ACSBG1: variants seen among roughly 807,000 people sequenced by gnomAD.
ACSBG1 encodes acyl-CoA synthetase bubblegum family member 1, also known as long-chain-fatty-acid--CoA ligase ACSBG1.
A neutral mutation model predicts 80.2 loss-of-function variants in ACSBG1; 39 were observed. The observed-to-expected ratio is 0.49, with a 90% confidence interval of 0.38 to 0.64. The LOEUF (loss-of-function observed/expected upper bound fraction) is 0.64, where lower values mean the gene tolerates loss of function less well. Among genes scored for constraint, ACSBG1 ranks in the 30% least tolerant of loss-of-function variants. The probability of loss-of-function intolerance (pLI) is 0.00; values close to 1 mark genes in which losing one functional copy is unlikely to be tolerated. For missense variants in ACSBG1, 828 were observed against 966.4 expected, an observed-to-expected ratio of 0.86 and a Z score of 1.90; for synonymous variants, 392 against 379.5, an observed-to-expected ratio of 1.03 and a Z score of -0.38.
intron 2 of ACSBG1, among the ~76,000 whole-genome samples, chr15:78,196,957 GGGAGGCTGAGGT>G (rs1326785853): frequency 1.3e-5 from 2 of 151,988 alleles, no homozygotes; most frequent in African/African-American, 4.8e-5. Context: ...CCAGCTACTT[GGGAGGCTGAGGT>G]GGGAGGATTG....
At chr15:78,190,484 T>G in intron 5 of ACSBG1, among the ~76,000 whole-genome samples, 1 of 145,126 alleles carries the variant, frequency 6.9e-6, no homozygotes, top group Non-Finnish European at 1.5e-5. Context: ...GGTGGGAGGA[T>G]TGCTTGAGCC....
At chr15:78,219,559 A>G (rs899584936) in intron 1 of ACSBG1, among the ~76,000 whole-genome samples, 6 of 152,242 alleles carry the variant, frequency 3.9e-5, no homozygotes, top group South Asian at 2.1e-4. Flanking sequence ...ATATCTCATG[A>G]TCGAGAGACT....
At chr15:78,190,661 G>A (rs1238423190) in intron 5 of ACSBG1, among the ~76,000 whole-genome samples, 1 of 151,986 alleles carries the variant, frequency 6.6e-6, no homozygotes, top group African/African-American at 2.4e-5. Flanking sequence ...CTCTATAGAA[G>A]TAAAATGGAT....
Position 78,215,724 on chromosome 15 carries a change from G to GAGAAAGAAAGAAAGAA in ACSBG1, c.132-7638_132-7623dup, listed in dbSNP as rs56078523. Among the ~76,000 whole-genome samples, 518 of 116,630 alleles carry GAGAAAGAAAGAAAGAA rather than the reference G, an allele frequency of 4.4e-3. 5 individuals are homozygous for GAGAAAGAAAGAAAGAA. Among genetic ancestry groups the GAGAAAGAAAGAAAGAA allele is most frequent in the Middle Eastern group, 0.013 (3 of 236 alleles). 76.5% of individuals were successfully genotyped at this position (116,630 alleles called of 152,430 possible). A position where few individuals can be genotyped will look rare whatever the true frequency, so the allele number is the denominator to read the frequency against. On this transcript the variant is annotated intron_variant, in intron 1 of 13. Coordinates refer to ENST00000258873, the MANE Select transcript of ACSBG1 (RefSeq NM_015162.5). ...AGAAGGAAAGAGAGAAAGAAAGAAA[G>GAGAAAGAAAGAAAGAA]AGAAAGAAAGAAAGAAAGAAAGAAA...
intron 1 of ACSBG1, among the ~76,000 whole-genome samples, chr15:78,208,528 T>C (rs1161643688): frequency 1.5e-4 from 23 of 152,128 alleles, no homozygotes; most frequent in Admixed American, 1.5e-3. Flanking sequence ...CATCTGTCAC[T>C]CCCTGTACCC....
rs536292260 is a variant in ACSBG1, at chr15:78,189,713, C to A, written c.663+3793G>T. On this transcript the variant is annotated intron_variant, in intron 5 of 13. Transcript: ENST00000258873. Reference sequence around the variant, plus strand: ...GGGAGGGATAGCTTTAGGAGATAGACCTAATGCTAAATGACGAGTTAATGG... The same window carrying A: ...GGGAGGGATAGCTTTAGGAGATAGAACTAATGCTAAATGACGAGTTAATGG... 5.3e-5 allele frequency among the ~76,000 whole-genome samples: 8 copies of A among 151,902 alleles called. No individual in the cohort carries two copies. The South Asian group carries it at 1.5e-3, about 28-fold the overall frequency.
intron 2 of ACSBG1, among the ~76,000 whole-genome samples, chr15:78,206,575 C>T (rs988410262): frequency 1.3e-5 from 2 of 152,190 alleles, no homozygotes; most frequent in Admixed American, 6.5e-5. Flanking sequence ...TTGTCACCTC[C>T]CTTACAGTTG....
intron 5 of ACSBG1, among the ~76,000 whole-genome samples, chr15:78,188,210 T>C (rs1185965188): frequency 6.6e-6 from 1 of 151,986 alleles, no homozygotes; most frequent in African/African-American, 2.4e-5. Flanking sequence ...TCCATGCTCA[T>C]GGGTAGGAAG....
chr15:78,196,073 C>G (rs572387162), intron 2 of ACSBG1, among the ~76,000 whole-genome samples: 1 of 152,296 alleles, frequency 6.6e-6, no homozygotes, highest in South Asian at 2.1e-4. Context: ...ACATGGCAGC[C>G]TGCAGGAAAT....
intron 1 of ACSBG1, among the ~76,000 whole-genome samples, chr15:78,217,645 C>T (rs1352307675): frequency 6.6e-6 from 1 of 151,538 alleles, no homozygotes; most frequent in African/African-American, 2.4e-5. Flanking sequence ...CGGCTCACTG[C>T]AACCACTGCC....
intron 1 of ACSBG1, 42 bp from the exon 2 acceptor site, chr15:78,208,144 T>A: frequency 6.5e-7 from 1 of 1,531,562 alleles, no homozygotes. Context: ...CATTAGAACG[T>A]GGGGGACCGG....
chr15:78,174,307 T>C, intron 12 of ACSBG1, 78 bp downstream of exon 12: 1 of 1,593,384 alleles, frequency 6.3e-7, no homozygotes, highest in Non-Finnish European at 8.6e-7. Context: ...TGCCCTGTGC[T>C]GAATGTGGCT....
At chr15:78,205,473 C>T (rs944432414) in intron 2 of ACSBG1, among the ~76,000 whole-genome samples, 3 of 152,132 alleles carry the variant, frequency 2.0e-5, no homozygotes, top group Admixed American at 6.5e-5. Context: ...GGGGGCCAGA[C>T]CTGGAAGACC....
At chr15:78,183,587 C>T (rs1300458956) in intron 5 of ACSBG1, among the ~76,000 whole-genome samples, 1 of 152,096 alleles carries the variant, frequency 6.6e-6, no homozygotes, top group Non-Finnish European at 1.5e-5. Flanking sequence ...CAAAAAGAAA[C>T]TCGAAGGTTA....
intron 2 of ACSBG1, among the ~76,000 whole-genome samples, chr15:78,196,090 G>A (rs1014324455): frequency 2.6e-5 from 4 of 152,186 alleles, no homozygotes; most frequent in South Asian, 2.1e-4. Context: ...AAATGCAGGC[G>A]GGACAGGGGA....
At chr15:78,231,593 T>A (rs1382131068) in intron 1 of ACSBG1, among the ~76,000 whole-genome samples, 3 of 152,086 alleles carry the variant, frequency 2.0e-5, no homozygotes, top group African/African-American at 7.2e-5. Context: ...GCCTATTTTT[T>A]ATTTTTATTA....
At position 78,171,408 on chromosome 15, in the gene ACSBG1, C is replaced by T. The variant is rs778150048; in HGVS notation, c.*36G>A. ...TCAGGAAGAGGCTCGGAACGCCTGC[C>T]CTCTATTCTATAGAAACTGCAGGCA... is the stretch of plus-strand genomic sequence containing the variant. On this transcript the variant is annotated 3_prime_UTR_variant, in exon 14 of 14. Coordinates refer to ENST00000258873, the MANE Select transcript of ACSBG1 (RefSeq NM_015162.5). The T allele has an allele frequency of 1.3e-5, 20 of 1,571,578 alleles. No homozygotes were observed. The South Asian group carries it at 2.2e-4, about 17-fold the overall frequency.
In ACSBG1 at chr15:78,171,459, T is replaced by G. The variant is rs545427158; in HGVS notation, c.2160A>C (p.Gln720His). 38 of 1,614,112 alleles carry G rather than the reference T, an allele frequency of 2.4e-5. No homozygotes were observed. The South Asian group carries it at 3.7e-4, about 16-fold the overall frequency. Residue 720 changes from glutamine to histidine, a missense_variant, in exon 14 of 14, where the codon CAA (glutamine) becomes CAC (histidine). By Grantham distance (24) the Gln-to-His change is conservative. Coordinates refer to ENST00000258873, the MANE Select transcript of ACSBG1 (RefSeq NM_015162.5). ...KYKGIIDSFY[Q>H]EQKM ...TAGGCCCTGATTACATTTTTTGCTC[T>G]TGGTAAAAGGAGTCAATGATACCTT...
intron 1 of ACSBG1, among the ~76,000 whole-genome samples, chr15:78,219,135 T>C (rs987641968): frequency 1.3e-5 from 2 of 152,164 alleles, no homozygotes; most frequent in African/African-American, 2.4e-5. Context: ...CACTACTATA[T>C]GCACTGCCTG....
Sources: gnomAD v4.1 joint callset for allele counts (sites outside exome capture counted in the v4.1 genomes callset) on GRCh38, gnomAD v4.1.1 for gene constraint, MANE v1.5 for transcripts, NCBI Gene and HGNC (gene_info 2026-07-23, HGNC 2026-07-21) for gene names.